The following RAPGEF6 variants were observed in gnomAD, a reference collection of about 807,000 sequenced individuals.
RAPGEF6 encodes the protein Rap guanine nucleotide exchange factor 6.
In RAPGEF6, 56 loss-of-function variants were observed where a neutral mutation model predicts 171.4. The ratio of observed to expected loss-of-function variants is 0.33; its 90% CI spans 0.26 to 0.41. The LOEUF (loss-of-function observed/expected upper bound fraction) is 0.41. Among genes scored for constraint, RAPGEF6 ranks in the 10% least tolerant of loss-of-function variants. The pLI is 1.00. For missense variants in RAPGEF6, 1,674 were observed against 1,921.4 expected (o/e 0.87, Z 2.41); for synonymous variants, 692 against 650.1 (o/e 1.06, Z -0.98).
chr5:131,447,576 T>C (rs1227342991), intron 21 of RAPGEF6, among the ~76,000 whole-genome samples: 1 of 152,192 alleles, frequency 6.6e-6, no homozygotes, highest in Non-Finnish European at 1.5e-5. Context: ...GGCTAACAAA[T>C]ACAAAATTCT....
chr5:131,436,697 A>G (rs1580820801), intron 24 of RAPGEF6, among the ~76,000 whole-genome samples: 1 of 152,244 alleles, frequency 6.6e-6, no homozygotes, highest in Non-Finnish European at 1.5e-5. Context: ...TATGACAAAA[A>G]TATCAGGTAA....
rs936327891 is a variant in RAPGEF6 at position 131,510,430 on chromosome 5, G to A, written c.689C>T (p.Ser230Phe). The A allele has an allele frequency of 6.2e-7, 1 of 1,614,038 alleles. No individual in the cohort carries two copies. The highest frequency in any genetic ancestry group is 8.5e-7 in the Non-Finnish European group (1 of 1,179,992). Reference protein sequence around the residue: ...LTRLPEGPVDSEDDEEEDEEI... With the variant: ...LTRLPEGPVDFEDDEEEDEEI... The stretch of plus-strand genomic sequence containing the variant: ...TTCATCTTCCTCTTCGTCATCCTCA[G>A]AATCAACAGGTCCTTCTGGAAGACG... The change falls in exon 8 of 28, where the codon TCT becomes TTT. Residue 230 changes from serine to phenylalanine, a missense_variant. Transcript: ENST00000509018.
At chr5:131,498,360 T>G in intron 12 of RAPGEF6, 83 bp downstream of exon 12, 1 of 1,257,022 alleles carries the variant, frequency 8.0e-7, no homozygotes, top group South Asian at 1.5e-5. Context: ...ATTATCATAA[T>G]AAACAGGTAA....
At chr5:131,596,720 A>T (rs757956021) in intron 3 of RAPGEF6, among the ~76,000 whole-genome samples, 3 of 152,220 alleles carry the variant, frequency 2.0e-5, no homozygotes, top group Non-Finnish European at 4.4e-5. Flanking sequence ...CCTACCTCTC[A>T]CTATATACAA....
rs1425204127 is a variant in RAPGEF6 at position 131,573,208 on chromosome 5, C to A, written c.282-11161G>T. ...AGCCTCTGCTCCCCCACTCTATAAC[C>A]CTTCCATTACCTCCCCTCCTCACAC... On this transcript the variant is annotated intron_variant, in intron 4 of 27. Transcript: ENST00000509018. Among the ~76,000 whole-genome samples, 51 of 152,108 alleles carry A rather than the reference C, an allele frequency of 3.4e-4. 1 individual carries two copies. The highest frequency in any genetic ancestry group is 3.3e-3 in the Admixed American group (50 of 15,270).
intron 13 of RAPGEF6, among the ~76,000 whole-genome samples, chr5:131,494,999 A>G (rs1340783435): frequency 2.6e-5 from 4 of 152,164 alleles, no homozygotes. Context: ...CAATACAGAA[A>G]TGGAAGATTT....
rs950922063 is a variant in RAPGEF6 at position 131,635,210 on chromosome 5, G to T, written c.-180C>A. ...CCGCCTAAGGCCTCTACCCACGCGC[G>T]ACTGGCCGGAGACAAGTCTGCGCGG... On this transcript the variant is annotated 5_prime_UTR_variant, in exon 1 of 28. Coordinates refer to ENST00000509018, the MANE Select transcript of RAPGEF6 (RefSeq NM_016340.6). 7.5e-5 allele frequency: 45 copies of T among 603,898 alleles called. No homozygotes were observed. The highest frequency in any genetic ancestry group is 9.0e-4 in the Middle Eastern group (2 of 2,222). 37.4% of individuals were successfully genotyped at this position (603,898 alleles called of 1,614,324 possible). A position where few individuals can be genotyped will look rare whatever the true frequency, so the allele number is the denominator to read the frequency against.
chr5:131,615,678 T>C lies in RAPGEF6; in HGVS notation c.70-10985A>G, dbSNP rs112843758. ...CACTTTGGGAGGCAGAGTGGGCGGA[T>C]TACTTGAGGTAAGGAGTTCACGACC... On this transcript the variant is annotated intron_variant, in intron 1 of 27. Coordinates refer to ENST00000509018, the MANE Select transcript of RAPGEF6 (RefSeq NM_016340.6). Among the ~76,000 whole-genome samples the C allele has an allele frequency of 3.9e-3, 601 of 152,162 alleles. 3 individuals are homozygous for C. The highest frequency in any genetic ancestry group is 0.014 in the African/African-American group (579 of 41,528).
chr5:131,574,633 C>T (rs965885989), intron 4 of RAPGEF6, among the ~76,000 whole-genome samples: 1 of 152,116 alleles, frequency 6.6e-6, no homozygotes, highest in Non-Finnish European at 1.5e-5. Context: ...TAGGCCGAGA[C>T]ATTTTAACTA....
intron 26 of RAPGEF6, among the ~76,000 whole-genome samples, chr5:131,430,046 T>A (rs1245056883): frequency 7.7e-6 from 1 of 129,386 alleles, no homozygotes. Flanking sequence ...CAAGAGTCCA[T>A]CTCAAAAAAA....
intron 24 of RAPGEF6, among the ~76,000 whole-genome samples, chr5:131,434,044 G>A (rs1411481598): frequency 2.0e-5 from 3 of 152,088 alleles, no homozygotes; most frequent in Non-Finnish European, 4.4e-5. Flanking sequence ...TTAACCCAAC[G>A]CTCCTTCCTT....
intron 19 of RAPGEF6, among the ~76,000 whole-genome samples, chr5:131,458,346 G>A (rs1211262310): frequency 1.3e-5 from 2 of 152,128 alleles, no homozygotes; most frequent in African/African-American, 2.4e-5. Flanking sequence ...TCTCTCTGCT[G>A]CCATGTAAGA....
chr5:131,567,468 T>A (rs1762024159), intron 4 of RAPGEF6, among the ~76,000 whole-genome samples: 1 of 152,236 alleles, frequency 6.6e-6, no homozygotes, highest in Admixed American at 6.5e-5. Context: ...TCACTTCCAC[T>A]GTGTTCAAAA....
chr5:131,570,773 C>G (rs188618266), intron 4 of RAPGEF6, among the ~76,000 whole-genome samples: 1 of 151,996 alleles, frequency 6.6e-6, no homozygotes, highest in Admixed American at 6.6e-5. Context: ...GTAAAATACT[C>G]TCTCTCCAGA....
intron 20 of RAPGEF6, 151 bp from the exon 21 acceptor site, chr5:131,453,328 G>T (rs530162001): frequency 2.3e-6 from 3 of 1,318,892 alleles, no homozygotes; most frequent in South Asian, 1.6e-5. Flanking sequence ...CCCATACATG[G>T]TTCAACCCTG....
At chr5:131,586,616 G>A (rs1763272938) in intron 4 of RAPGEF6, among the ~76,000 whole-genome samples, 2 of 151,816 alleles carry the variant, frequency 1.3e-5, no homozygotes, top group African/African-American at 4.8e-5. Context: ...GGGTGACAAA[G>A]TAAGACTCTA....
At chr5:131,500,946 G>C (rs1172877241) in intron 11 of RAPGEF6, among the ~76,000 whole-genome samples, 1 of 152,084 alleles carries the variant, frequency 6.6e-6, no homozygotes, top group African/African-American at 2.4e-5. Flanking sequence ...TGCTTTCTGT[G>C]TGATTATGTG....
intron 5 of RAPGEF6, among the ~76,000 whole-genome samples, chr5:131,557,861 G>A (rs935387229): frequency 6.6e-6 from 1 of 152,030 alleles, no homozygotes; most frequent in African/African-American, 2.4e-5. Context: ...ATTCAATGTA[G>A]TCATGTTGTT....
In RAPGEF6 at chr5:131,436,117, G is replaced by T. The variant is rs1344497500; in HGVS notation, c.3746-2459C>A. 4 of 1,537,858 alleles carry T rather than the reference G, an allele frequency of 2.6e-6. No individual in the cohort carries two copies. In the Admixed American group the frequency reaches 7.8e-5, roughly 30 times the overall value. ...GCTTTCTGTAGCTTGATTGTGATCT[G>T]TGTCCTCTTTTTGGCTGTTGACTAG... On this transcript the variant is annotated intron_variant, in intron 24 of 27. Coordinates refer to ENST00000509018, the MANE Select transcript of RAPGEF6 (RefSeq NM_016340.6).
Sources: gnomAD v4.1 joint callset for allele counts (sites outside exome capture counted in the v4.1 genomes callset) on GRCh38, gnomAD v4.1.1 for gene constraint, MANE v1.5 for transcripts, NCBI Gene and HGNC (gene_info 2026-07-23, HGNC 2026-07-21) for gene names.